UNC13C: variants seen among roughly 807,000 people sequenced by gnomAD.
The protein encoded by UNC13C is protein unc-13 homolog C.
UNC13C carries 174 observed loss-of-function variants against 245.4 expected under a neutral mutation model. The ratio of observed to expected loss-of-function variants is 0.71; its 90% CI spans 0.63 to 0.80. UNC13C has a LOEUF of 0.80. Among genes scored for constraint, UNC13C ranks in the 30% least tolerant of loss-of-function variants. The pLI, the probability that UNC13C is intolerant of heterozygous loss-of-function variation, is 0.00. For synonymous variants in UNC13C, 992 were observed against 895.1 expected (o/e 1.11, Z -1.93); for missense variants, 2,829 against 2,602.9 (o/e 1.09, Z -1.89).
At chr15:53,888,785 A>C in the UNC13C span, among the ~76,000 whole-genome samples, 3 of 152,194 alleles carry the variant, frequency 2.0e-5, no homozygotes, top group African/African-American at 7.2e-5. Context: ...CAGTTTTCCC[A>C]ACACCATTTA....
chr15:54,020,546 GTGT>G (rs1895857714), intron 2 of UNC13C, among the ~76,000 whole-genome samples: 1 of 150,280 alleles, frequency 6.7e-6, no homozygotes, highest in East Asian at 2.0e-4. Flanking sequence ...GCCTCCCAAA[GTGT>G]TGGGATTACA....
chr15:54,088,387 G>A (rs1172918291), intron 2 of UNC13C, among the ~76,000 whole-genome samples: 1 of 152,076 alleles, frequency 6.6e-6, no homozygotes, highest in Non-Finnish European at 1.5e-5. Flanking sequence ...GAGGGGACAT[G>A]CTATTTGGAC....
At chr15:54,454,585 A>G (rs1482896879) in intron 19 of UNC13C, among the ~76,000 whole-genome samples, 2 of 150,924 alleles carry the variant, frequency 1.3e-5, no homozygotes, top group Non-Finnish European at 3.0e-5. Flanking sequence ...AAAAAAAACA[A>G]CAATAACTCC....
chr15:53,874,345 T>C, the UNC13C span, among the ~76,000 whole-genome samples: 1 of 152,174 alleles, frequency 6.6e-6, no homozygotes, highest in East Asian at 1.9e-4. Context: ...ATTTTATAAA[T>C]GAAAATAATT....
chr15:54,181,853 A>G (rs569510249), intron 4 of UNC13C, among the ~76,000 whole-genome samples: 6 of 152,010 alleles, frequency 3.9e-5, no homozygotes, highest in African/African-American at 1.2e-4. Flanking sequence ...AGTGTTGTAT[A>G]GAAATGCTAC....
At chr15:54,381,469 G>T (rs900920659) in intron 17 of UNC13C, among the ~76,000 whole-genome samples, 4 of 151,894 alleles carry the variant, frequency 2.6e-5, no homozygotes, top group Non-Finnish European at 1.5e-5. Flanking sequence ...TTTTAGGATC[G>T]TTTTCTCAAT....
At chr15:54,546,978 T>C (rs998473120) in intron 27 of UNC13C, 133 bp downstream of exon 27, 2 of 820,922 alleles carry the variant, frequency 2.4e-6, no homozygotes, top group African/African-American at 1.8e-5. Flanking sequence ...TTCTTAACAA[T>C]GATCATTCAA....
chr15:53,847,659 C>T, the UNC13C span, among the ~76,000 whole-genome samples: 4 of 152,016 alleles, frequency 2.6e-5, no homozygotes, highest in Admixed American at 6.6e-5. Context: ...AGCCACTGTG[C>T]CCAGCCTCAT....
At chr15:54,372,195 A>G (rs570588144) in intron 17 of UNC13C, among the ~76,000 whole-genome samples, 1 of 152,248 alleles carries the variant, frequency 6.6e-6, no homozygotes, top group African/African-American at 2.4e-5. Context: ...AAAACATCAT[A>G]TTGTGTACCA....
intron 17 of UNC13C, among the ~76,000 whole-genome samples, chr15:54,379,126 T>C (rs2039667492): frequency 6.6e-6 from 1 of 152,116 alleles, no homozygotes; most frequent in African/African-American, 2.4e-5. Context: ...TTTTTTTGTT[T>C]TCAGTTATTA....
At chr15:53,992,243 G>C (rs1894424829) in intron 1 of UNC13C, among the ~76,000 whole-genome samples, 1 of 151,994 alleles carries the variant, frequency 6.6e-6, no homozygotes, top group Non-Finnish European at 1.5e-5. Context: ...ACTGAATCCA[G>C]TCCATATGTG....
rs768620367 is a variant in UNC13C, at chr15:54,338,358, C to A, written c.4585-3C>A. 3.7e-6 allele frequency: 6 copies of A among 1,610,002 alleles called. No individual in the cohort carries two copies. In the African/African-American group the frequency reaches 6.7e-5, roughly 18 times the overall value. On this transcript the variant is annotated splice_polypyrimidine_tract_variant and splice_region_variant and intron_variant, in intron 16 of 32. Transcript: ENST00000260323. ...TGAGAAAATAAATGTCTGTCTTTGT[C>A]AGGTTCTGGAGCTGCAAAGCCCCCC...
At chr15:54,432,929 C>G (rs1417356400) in intron 19 of UNC13C, among the ~76,000 whole-genome samples, 1 of 152,022 alleles carries the variant, frequency 6.6e-6, no homozygotes, top group African/African-American at 2.4e-5. Flanking sequence ...ACTGATCCCA[C>G]AGAAACACAA....
intron 1 of UNC13C, among the ~76,000 whole-genome samples, chr15:53,985,294 T>C (rs1894087996): frequency 6.6e-6 from 1 of 152,052 alleles, no homozygotes; most frequent in Non-Finnish European, 1.5e-5. Context: ...TTTTTATGGC[T>C]GCATAGTATT....
chr15:54,536,430 T>C (rs954500572), intron 26 of UNC13C, among the ~76,000 whole-genome samples: 7 of 151,992 alleles, frequency 4.6e-5, no homozygotes, highest in Non-Finnish European at 8.8e-5. Context: ...ACCAATCCTA[T>C]TGAAACTATT....
At chr15:54,269,658 G>A (rs2036635048) in intron 10 of UNC13C, among the ~76,000 whole-genome samples, 1 of 152,128 alleles carries the variant, frequency 6.6e-6, no homozygotes, top group African/African-American at 2.4e-5. Flanking sequence ...GCTAGTGCTT[G>A]TTCCCACCAG....
chr15:54,029,274 A>G (rs1001671881), intron 2 of UNC13C, among the ~76,000 whole-genome samples: 1 of 152,194 alleles, frequency 6.6e-6, no homozygotes, highest in Non-Finnish European at 1.5e-5. Context: ...CCTCGGGGCA[A>G]TTTCAACATA....
At chr15:54,598,908 TTTTG>T (rs1899246338) in intron 30 of UNC13C, among the ~76,000 whole-genome samples, 1 of 152,152 alleles carries the variant, frequency 6.6e-6, no homozygotes, top group South Asian at 2.1e-4. Flanking sequence ...GGAGTATTTG[TTTTG>T]TTTATTTCTG....
chr15:54,024,793 T>C (rs1896039215), intron 2 of UNC13C, among the ~76,000 whole-genome samples: 1 of 151,990 alleles, frequency 6.6e-6, no homozygotes. Flanking sequence ...CGGGCGCCTG[T>C]AGACCCAGCT....
Sources: allele counts gnomAD v4.1 joint callset (sites outside exome capture counted in the v4.1 genomes callset), GRCh38; gene constraint gnomAD v4.1.1; transcripts MANE v1.5; gene names NCBI Gene and HGNC (gene_info 2026-07-23, HGNC 2026-07-21).